PHKA2: variants seen among roughly 807,000 people sequenced by gnomAD.
PHKA2 encodes phosphorylase kinase regulatory subunit alpha 2, also known as phosphorylase b kinase regulatory subunit alpha, liver isoform.
In PHKA2, 31 loss-of-function variants were observed where a neutral mutation model predicts 102.0. The ratio of observed to expected loss-of-function variants is 0.30; its 90% CI spans 0.23 to 0.41. The LOEUF (loss-of-function observed/expected upper bound fraction) is 0.41, where lower values mean the gene tolerates loss of function less well. Among genes scored for constraint, PHKA2 ranks in the 10% least tolerant of loss-of-function variants. The pLI is 1.00. For missense variants in PHKA2, 858 were observed against 1,023.1 expected (o/e 0.84, Z 2.20); for synonymous variants, 455 against 416.2 (o/e 1.09, Z -1.13).
At position 18,947,530 on chromosome X, in the gene PHKA2, A is replaced by C. The variant is rs762722838; in HGVS notation, c.537+1214T>G. ...GCATCCCAGCTCCCACCAAGGTGCT[A>C]ATGCTGCTACCTCTTTAGCCCCAAC... On this transcript the variant is annotated intron_variant, in intron 5 of 32. Transcript: ENST00000379942. Among the ~76,000 whole-genome samples, 3 of 112,616 alleles carry C rather than the reference A, an allele frequency of 2.7e-5. No homozygotes were observed. In the East Asian group the frequency reaches 8.4e-4, roughly 32 times the overall value.
chrX:18,895,064 G>A (rs2047511558), intron 31 of PHKA2, 74 bp downstream of exon 31: 1 of 964,805 alleles, frequency 1.0e-6, no homozygotes, highest in Non-Finnish European at 1.5e-6. Flanking sequence ...GAGCACAAGA[G>A]GTCAGAGTCC....
At chrX:18,934,874 T>C (rs2048370110) in intron 11 of PHKA2, among the ~76,000 whole-genome samples, 1 of 110,847 alleles carries the variant, frequency 9.0e-6, no homozygotes, top group Non-Finnish European at 1.9e-5. Context: ...GAACCTGGGG[T>C]CTGGCCCCAG....
intron 22 of PHKA2, 62 bp from the exon 23 acceptor site, chrX:18,907,159 G>C (rs2047836323): frequency 1.2e-6 from 1 of 812,604 alleles, no homozygotes; most frequent in Admixed American, 2.6e-5. Flanking sequence ...AAAGACGACA[G>C]ACAGGCAGTG....
rs148176463 is a variant in PHKA2, at chrX:18,924,460, G to A, written c.1635C>T (p.Ile545=). 5.0e-6 allele frequency: 6 copies of A among 1,207,167 alleles called. No homozygotes were observed. Among genetic ancestry groups the A allele is most frequent in the South Asian group, 1.8e-5 (1 of 56,745 alleles). ...AGCAGGTGCACAGGTAGGCCAGCTCGATCCTTAGCATCTCCACGATCATCT... is the reference window on the plus strand; with the variant it reads ...AGCAGGTGCACAGGTAGGCCAGCTCAATCCTTAGCATCTCCACGATCATCT... ...DNEMIVEMLR[I]ELAYLCTCWR... is the part of the protein sequence containing the mutation. The change falls in exon 16 of 33, where the codon ATC becomes ATT. Residue 545 remains isoleucine, a synonymous_variant. Transcript: ENST00000379942.
At chrX:18,948,002 A>C (rs1010273083) in intron 5 of PHKA2, among the ~76,000 whole-genome samples, 2 of 111,251 alleles carry the variant, frequency 1.8e-5, no homozygotes, top group African/African-American at 6.6e-5. Flanking sequence ...ACTCAGGGGG[A>C]AAGTGTGGGA....
At chrX:18,903,969 G>A (rs770470326) in intron 26 of PHKA2, among the ~76,000 whole-genome samples, 8 of 111,913 alleles carry the variant, frequency 7.1e-5, no homozygotes, top group East Asian at 5.7e-4. Context: ...CACCTGCACC[G>A]CACTGGGCAT....
chrX:18,909,987 A>T (rs2047895752), intron 20 of PHKA2, among the ~76,000 whole-genome samples: 1 of 112,652 alleles, frequency 8.9e-6, no homozygotes, highest in Non-Finnish European at 1.9e-5. Context: ...AATCTTCTCC[A>T]ACAGGCACTG....
intron 10 of PHKA2, among the ~76,000 whole-genome samples, chrX:18,936,659 A>G (rs1349782522): frequency 8.9e-6 from 1 of 112,249 alleles, no homozygotes; most frequent in Non-Finnish European, 1.9e-5. Flanking sequence ...ATTCATTACT[A>G]TTCAGCCATA....
At chrX:18,917,021 T>C (rs750270570) in intron 19 of PHKA2, among the ~76,000 whole-genome samples, 1 of 109,047 alleles carries the variant, frequency 9.2e-6, no homozygotes, top group Admixed American at 9.8e-5. Flanking sequence ...ACTACAGGCA[T>C]GTGCCACCAT....
intron 28 of PHKA2, 142 bp from the exon 29 acceptor site, chrX:18,899,368 G>A (rs2047635270): frequency 7.4e-6 from 4 of 539,131 alleles, no homozygotes; most frequent in Admixed American, 2.7e-5. Flanking sequence ...CCACAGCAAC[G>A]CACATAGGCA....
In PHKA2 at chrX:18,939,903, A is replaced by C. The variant is rs2048462650; in HGVS notation, c.918+92T>G. On this transcript the variant is annotated intron_variant, in intron 9 of 32. Coordinates refer to ENST00000379942, the MANE Select transcript of PHKA2 (RefSeq NM_000292.3). ...ATACTTCCCTTTCCAATATTCCAAC[A>C]TAAAATTATAATCAGCAGAGGGAGA... 2.8e-5 allele frequency: 19 copies of C among 677,215 alleles called. No homozygotes were observed. The South Asian group carries it at 4.0e-4, about 14-fold the overall frequency. The allele number at this position is 677,215 out of a possible 1,213,427, so 55.8% of individuals were successfully genotyped here. A position where few individuals can be genotyped will look rare whatever the true frequency, so the allele number is the denominator to read the frequency against.
Position 18,897,281 on chromosome X carries a change from C to A in PHKA2, c.3164G>T (p.Gly1055Val), listed in dbSNP as rs1230774519. The change falls in exon 30 of 33, where the codon GGA (glycine) becomes GTA (valine). Residue 1055 changes from glycine (G) to valine (V), a missense_variant. Transcript: ENST00000379942. ...CCGCTCACCCCAGCCGATGTGATGT[C>A]CTCCCGAGTCTGAGGATGACGTGCC... ...PTGTSSSDSGGHHIGWGERQG... is the reference protein window; with the variant it reads ...PTGTSSSDSGVHHIGWGERQG... The A allele has an allele frequency of 1.7e-6, 2 of 1,211,150 alleles. No homozygotes were observed. Among genetic ancestry groups the A allele is most frequent in the Admixed American group, 4.3e-5 (2 of 46,028 alleles).
At chrX:18,947,450 G>A (rs2048600173) in intron 5 of PHKA2, among the ~76,000 whole-genome samples, 1 of 112,160 alleles carries the variant, frequency 8.9e-6, no homozygotes, top group Non-Finnish European at 1.9e-5. Context: ...CCCAGGCTGG[G>A]GCTCTGCCTG....
chrX:18,954,783 G>A (rs1030509672), intron 1 of PHKA2, among the ~76,000 whole-genome samples: 17 of 112,561 alleles, frequency 1.5e-4, no homozygotes, highest in African/African-American at 5.5e-4. Context: ...GTCTTCTTCA[G>A]TCTTCATGTG....
Position 18,900,558 on chromosome X carries a change from T to C in PHKA2, c.3057+112A>G, listed in dbSNP as rs977102367. 2.7e-5 allele frequency: 19 copies of C among 712,105 alleles called. No individual in the cohort carries two copies. In the African/African-American group the frequency reaches 3.0e-4, roughly 11 times the overall value. The allele number at this position is 712,105 out of a possible 1,213,427, so 58.7% of individuals were successfully genotyped here. A position where few individuals can be genotyped will look rare whatever the true frequency, so the allele number is the denominator to read the frequency against. ...TCTGCCTGTGCCCCAGCCCGTTTGC[T>C]GGATAGAGCCGCCCTCTACACATTC... On this transcript the variant is annotated intron_variant, in intron 28 of 32. Coordinates refer to ENST00000379942, the MANE Select transcript of PHKA2 (RefSeq NM_000292.3).
chrX:18,944,255 G>A (rs776124285), intron 6 of PHKA2, among the ~76,000 whole-genome samples: 1 of 111,223 alleles, frequency 9.0e-6, no homozygotes, highest in East Asian at 2.8e-4. Context: ...ATAACGTTGT[G>A]TGTGTGTGTG....
chrX:18,919,553 G>T (rs2048078551), intron 18 of PHKA2, among the ~76,000 whole-genome samples: 1 of 108,975 alleles, frequency 9.2e-6, no homozygotes. Flanking sequence ...AAATATAAAA[G>T]AATTAGCTGG....
Position 18,954,898 on chromosome X carries a change from C to T in PHKA2, c.79-486G>A, listed in dbSNP as rs1259878173. On this transcript the variant is annotated intron_variant, in intron 1 of 32. Transcript: ENST00000379942. ...TGCCCAGGGAAGCCACTTTCCCTCT[C>T]TGGGCAATCCAGATACTTCATGTGC... Among the ~76,000 whole-genome samples, 10 of 112,144 alleles carry T rather than the reference C, an allele frequency of 8.9e-5. No individual in the cohort carries two copies. In the Admixed American group the frequency reaches 9.5e-4, roughly 11 times the overall value.
intron 1 of PHKA2, among the ~76,000 whole-genome samples, chrX:18,981,391 C>CT (rs918426476): frequency 4.5e-5 from 5 of 111,458 alleles, no homozygotes; most frequent in African/African-American, 1.6e-4. Context: ...GCTCACACAA[C>CT]TTTTTTTTAA....
Sources: allele counts gnomAD v4.1 joint callset (sites outside exome capture counted in the v4.1 genomes callset), GRCh38; gene constraint gnomAD v4.1.1; transcripts MANE v1.5; gene names NCBI Gene and HGNC (gene_info 2026-07-23, HGNC 2026-07-21).